Variants in AURKA observed in about 807,000 individuals in gnomAD.
AURKA encodes the protein aurora 2.
Under a neutral mutation model 40.9 loss-of-function variants are expected in AURKA, and 12 were observed. The observed-to-expected ratio is 0.29, with a 90% CI of 0.19 to 0.48. The LOEUF is 0.48. Ranked by LOEUF, AURKA falls within the 20% of genes least tolerant of loss-of-function variation. AURKA has a pLI of 0.99. For missense variants in AURKA, 322 were observed against 462.1 expected, an observed-to-expected ratio of 0.70 and a Z score of 2.78; for synonymous variants, 170 against 164.3, an observed-to-expected ratio of 1.03 and a Z score of -0.26.
chr20:56,383,241 A>T, intron 4 of AURKA, 65 bp from the exon 5 acceptor site: 1 of 1,500,102 alleles, frequency 6.7e-7, no homozygotes, highest in Non-Finnish European at 9.3e-7. Flanking sequence ...ATTTTCAATG[A>T]GTAGCAGACA....
intron 7 of AURKA, among the ~76,000 whole-genome samples, chr20:56,371,501 A>G (rs1398383378): frequency 1.3e-5 from 2 of 151,958 alleles, no homozygotes; most frequent in African/African-American, 4.8e-5. Context: ...TCTCTTCAGG[A>G]CCTGAGACCT....
intron 1 of AURKA, chr20:56,390,519 C>T (rs1241067507): frequency 6.6e-6 from 1 of 152,120 alleles, no homozygotes; most frequent in African/African-American, 2.4e-5. Context: ...GTTGGTAGGG[C>T]TGGTCTGGAA....
intron 6 of AURKA, among the ~76,000 whole-genome samples, chr20:56,380,022 G>A (rs766331220): frequency 4.0e-5 from 6 of 149,668 alleles, no homozygotes; most frequent in African/African-American, 7.4e-5. Flanking sequence ...CCACACACAC[G>A]CAAGACAAAA....
intron 7 of AURKA, 105 bp from the exon 8 acceptor site, chr20:56,370,764 C>T: frequency 1.6e-6 from 2 of 1,259,574 alleles, no homozygotes; most frequent in Non-Finnish European, 2.2e-6. Context: ...TTCCCCTGGG[C>T]CAGATCCTGT....
At chr20:56,384,222 A>C in intron 4 of AURKA, 48 bp downstream of exon 4, 1 of 1,490,514 alleles carries the variant, frequency 6.7e-7, no homozygotes, top group Non-Finnish European at 9.3e-7. Context: ...CAACGAAATA[A>C]TATATTCTAG....
chr20:56,384,732 C>T (rs553573373), intron 3 of AURKA, among the ~76,000 whole-genome samples: 2 of 152,246 alleles, frequency 1.3e-5, no homozygotes, highest in East Asian at 1.9e-4. Context: ...ACCCTACATA[C>T]GAATTATCAC....
chr20:56,371,186 GGT>G (rs1569038447), intron 7 of AURKA, among the ~76,000 whole-genome samples: 360 of 152,210 alleles, frequency 2.4e-3, no homozygotes, highest in African/African-American at 8.5e-3. Context: ...AACCTGGCTG[GGT>G]GCAGTGGCTC....
rs1285859874 is a variant in AURKA, at chr20:56,370,359, T to C, written c.1030-19A>G. ...ATTCAACCTGGAGTACAACAAATGA[T>C]AAAATATCACAAAACACAGGTTAGA... On this transcript the variant is annotated intron_variant, in intron 8 of 8. Transcript: ENST00000395915. The C allele has an allele frequency of 6.2e-7, 1 of 1,614,002 alleles. No homozygotes were observed. Among genetic ancestry groups the C allele is most frequent in the Non-Finnish European group, 8.5e-7 (1 of 1,179,978 alleles).
At chr20:56,389,258 C>A (rs1423509727) in intron 1 of AURKA, among the ~76,000 whole-genome samples, 1 of 152,158 alleles carries the variant, frequency 6.6e-6, no homozygotes, top group African/African-American at 2.4e-5. Context: ...ATCCATATCA[C>A]CCAGTGCCTC....
Position 56,386,351 on chromosome 20 carries a change from C to A in AURKA, c.225G>T (p.Lys75Asn), listed in dbSNP as rs1163949591. 1 of 1,614,202 alleles carries A rather than the reference C, an allele frequency of 6.2e-7. No homozygotes were observed. Among genetic ancestry groups the A allele is most frequent in the South Asian group, 1.1e-5 (1 of 91,088 alleles). The change falls in exon 3 of 9, where the codon AAG becomes AAT. Residue 75 changes from lysine (K) to asparagine (N), a missense_variant. Transcript: ENST00000395915. ...CACTGGTTGCCTGCAATTGCTTCTG[C>A]TTCTGATTCTGAACCGGCTTGTGAC... ...VSSHKPVQNQ[K>N]QKQLQATSVP...
intron 6 of AURKA, among the ~76,000 whole-genome samples, chr20:56,379,452 C>T (rs1985399538): frequency 1.3e-5 from 2 of 152,136 alleles, no homozygotes; most frequent in Non-Finnish European, 2.9e-5. Context: ...TAAATCTATA[C>T]ACAGATTACT....
intron 1 of AURKA, 111 bp downstream of exon 1, chr20:56,392,057 A>C (rs1019536661): frequency 2.0e-5 from 3 of 152,180 alleles, no homozygotes; most frequent in African/African-American, 7.2e-5. Context: ...GGGACGGAGG[A>C]ACCGACAGGG....
chr20:56,384,205 A>G, intron 4 of AURKA, 65 bp downstream of exon 4: 1 of 1,389,172 alleles, frequency 7.2e-7, no homozygotes, highest in Non-Finnish European at 1.0e-6. Context: ...TCCCACAACG[A>G]AATTTGCAAC....
In AURKA at chr20:56,390,374, T is replaced by G. The variant is rs538231063; in HGVS notation, c.-6+1794A>C. On this transcript the variant is annotated intron_variant, in intron 1 of 8. Coordinates refer to ENST00000395915, the MANE Select transcript of AURKA (RefSeq NM_198437.3). The stretch of plus-strand genomic sequence containing the variant: ...CAGGCTGGAGTGCAATGGCGCAATC[T>G]CGGCTCACCCGCAACCTCCACCTCC... Among the ~76,000 whole-genome samples, 341 of 151,350 alleles carry G rather than the reference T, an allele frequency of 2.3e-3. 2 individuals carry two copies. The highest frequency in any genetic ancestry group is 3.7e-3 in the Non-Finnish European group (249 of 67,856).
At chr20:56,391,366 G>A (rs1472783502) in intron 1 of AURKA, among the ~76,000 whole-genome samples, 2 of 152,248 alleles carry the variant, frequency 1.3e-5, no homozygotes, top group African/African-American at 2.4e-5. Context: ...TAGAAATGGA[G>A]ACTCTGAGGC....
At chr20:56,381,952 T>A (rs1600697569) in intron 5 of AURKA, among the ~76,000 whole-genome samples, 1 of 151,498 alleles carries the variant, frequency 6.6e-6, no homozygotes, top group South Asian at 2.1e-4. Flanking sequence ...GATCGCGAGG[T>A]CAGGAGTTCA....
chr20:56,371,426 A>C (rs989417469), intron 7 of AURKA, among the ~76,000 whole-genome samples: 3 of 150,886 alleles, frequency 2.0e-5, no homozygotes, highest in Admixed American at 6.7e-5. Flanking sequence ...GCACCACTGC[A>C]CTCCAGCCTG....
At chr20:56,390,009 C>T (rs1986866464) in intron 1 of AURKA, among the ~76,000 whole-genome samples, 1 of 152,150 alleles carries the variant, frequency 6.6e-6, no homozygotes, top group Admixed American at 6.5e-5. Flanking sequence ...ACACTGAGGC[C>T]GGCAATCTCA....
intron 3 of AURKA, 102 bp downstream of exon 3, chr20:56,386,155 T>G (rs1054625522): frequency 6.6e-6 from 10 of 1,510,886 alleles, no homozygotes; most frequent in Non-Finnish European, 2.8e-6. Flanking sequence ...TCAACAGATA[T>G]AAAAGCTAAG....
Sources: gnomAD v4.1 joint callset for allele counts (sites outside exome capture counted in the v4.1 genomes callset) on GRCh38, gnomAD v4.1.1 for gene constraint, MANE v1.5 for transcripts, NCBI Gene and HGNC (gene_info 2026-07-23, HGNC 2026-07-21) for gene names.